Variants in ABCA7 observed in about 807,000 individuals in gnomAD.
The protein encoded by ABCA7 is ATP binding cassette subfamily A member 7, also known as phospholipid-transporting ATPase ABCA7.
ABCA7 carries 261 observed loss-of-function variants against 227.6 expected under a neutral mutation model. The observed-to-expected ratio is 1.15, with a 90% CI of 1.04 to 1.27. ABCA7 has a LOEUF of 1.27. ABCA7 is among the 50% of genes most tolerant of loss of function. The pLI is 0.00. For missense variants in ABCA7, 3,331 were observed against 2,924.5 expected (o/e 1.14, Z -3.21); for synonymous variants, 1,488 against 1,279.7 (o/e 1.16, Z -3.47).
rs1488624040 is a variant in ABCA7, at chr19:1,065,181, G to A, written c.6285+10G>A. Reference sequence around the variant, plus strand: ...GACGATGCTGGAGGAGGTGATCACGGCGCCGGGGTCGGGCTGGGGGAGGCA... The same window carrying A: ...GACGATGCTGGAGGAGGTGATCACGACGCCGGGGTCGGGCTGGGGGAGGCA... On this transcript the variant is annotated intron_variant, in intron 46 of 46. Transcript: ENST00000263094. 3 of 1,594,470 alleles carry A rather than the reference G, an allele frequency of 1.9e-6. No homozygotes were observed. Among genetic ancestry groups the A allele is most frequent in the Non-Finnish European group, 2.6e-6 (3 of 1,168,418 alleles).
In ABCA7 at chr19:1,042,500, C is replaced by T. The variant is rs1309285867; in HGVS notation, c.498+103C>T. 4 of 1,409,078 alleles carry T rather than the reference C, an allele frequency of 2.8e-6. No homozygotes were observed. In the South Asian group the frequency reaches 4.7e-5, roughly 17 times the overall value. 87.3% of individuals were successfully genotyped at this position (1,409,078 alleles called of 1,614,324 possible). On this transcript the variant is annotated intron_variant, in intron 6 of 46. Coordinates refer to ENST00000263094, the MANE Select transcript of ABCA7 (RefSeq NM_019112.4). Reference sequence around the variant, plus strand: ...CCAAGGACCTCCCGTTCCAGGCATCCAGGCTGTCCCTGGTCTCTGCGGTGA... The same window carrying T: ...CCAAGGACCTCCCGTTCCAGGCATCTAGGCTGTCCCTGGTCTCTGCGGTGA...
chr19:1,056,184 C>G lies in ABCA7; in HGVS notation c.4357C>G (p.Arg1453Gly), dbSNP rs144562001. ...LSPLPGGALDRVLKNLTAWAH... is the reference protein window; with the variant it reads ...LSPLPGGALDGVLKNLTAWAH... ...TCCCCTGCCTGGCGGGGCCCTCGAC[C>G]GTGTCCTGAAAAACCTCACAGCCTG... Residue 1453 changes from arginine to glycine, a missense_variant, in exon 32 of 47, where the codon CGT (arginine) becomes GGT (glycine). By Grantham distance (125) the Arg-to-Gly change is moderately radical. Coordinates refer to ENST00000263094, the MANE Select transcript of ABCA7 (RefSeq NM_019112.4). This position sits in a 1 kb window ranked among gnomAD's most constrained non-coding sequence, Gnocchi z 4.3. 4.9e-5 allele frequency: 78 copies of G among 1,607,178 alleles called. No individual in the cohort carries two copies. Among genetic ancestry groups the G allele is most frequent in the Non-Finnish European group, 6.4e-5 (75 of 1,178,450 alleles).
chr19:1,060,522 CTT>C (rs546964567), intron 40 of ABCA7, among the ~76,000 whole-genome samples: 51 of 135,068 alleles, frequency 3.8e-4, no homozygotes, highest in Admixed American at 6.7e-4. Context: ...TTGTTTTTTT[CTT>C]TTTTTTTTTT....
intron 22 of ABCA7, 34 bp downstream of exon 22, chr19:1,052,160 C>T (rs1224045119): frequency 5.0e-6 from 8 of 1,608,222 alleles, no homozygotes; most frequent in South Asian, 3.3e-5. Flanking sequence ...CCCTGACCCC[C>T]GGGACTCTGT....
intron 18 of ABCA7, among the ~76,000 whole-genome samples, chr19:1,050,419 T>C (rs931235111): frequency 1.5e-5 from 2 of 133,382 alleles, no homozygotes; most frequent in African/African-American, 5.6e-5. Context: ...CACAAAAAAA[T>C]AAAAATAAAC....
chr19:1,059,273 T>TTATTTATTTATTTATC (rs1426709245), intron 40 of ABCA7, 188 bp downstream of exon 40: 5 of 254,888 alleles, frequency 2.0e-5, no homozygotes, highest in African/African-American at 1.2e-4. Context: ...ATTTATTTAT[T>TTATTTATTTATTTATC]TATTTATTTG....
rs552120252 is a variant in ABCA7 at position 1,044,863 on chromosome 19, T to G, written c.1215+119T>G. Reference sequence around the variant, plus strand: ...CCGGCCCTAGTAAGAGCCTGGGATTTGTAGAGATCTCAGGAGGGAGCCGGC... The same window carrying G: ...CCGGCCCTAGTAAGAGCCTGGGATTGGTAGAGATCTCAGGAGGGAGCCGGC... On this transcript the variant is annotated intron_variant, in intron 11 of 46. Coordinates refer to ENST00000263094, the MANE Select transcript of ABCA7 (RefSeq NM_019112.4). 7.1e-5 allele frequency: 104 copies of G among 1,464,772 alleles called. No homozygotes were observed. The South Asian group carries it at 8.3e-4, about 12-fold the overall frequency. The allele number at this position is 1,464,772 out of a possible 1,614,324, so 90.7% of individuals were successfully genotyped here. A position where few individuals can be genotyped will look rare whatever the true frequency, so the allele number is the denominator to read the frequency against.
Position 1,049,330 on chromosome 19 carries a change from C to A in ABCA7, c.2445C>A (p.Arg815=). ...TCTCCGTTCGCAGCCTGGAGAAGCG[C>A]TTTCCTGGAAGCCCGCAGCCAGCCC... is the stretch of plus-strand genomic sequence containing the variant. ...PGVSVRSLEK[R]FPGSPQPALR... is the part of the protein sequence containing the mutation. The change falls in exon 18 of 47, where the codon CGC becomes CGA. Residue 815 remains arginine, a synonymous_variant. Coordinates refer to ENST00000263094, the MANE Select transcript of ABCA7 (RefSeq NM_019112.4). 6.2e-7 allele frequency: 1 copy of A among 1,611,690 alleles called. No homozygotes were observed. The highest frequency in any genetic ancestry group is 8.5e-7 in the Non-Finnish European group (1 of 1,179,286).
Position 1,052,028 on chromosome 19 carries a change from T to A in ABCA7, c.3049T>A (p.Cys1017Ser). The A allele has an allele frequency of 1.2e-6, 2 of 1,612,262 alleles. No homozygotes were observed. The highest frequency in any genetic ancestry group is 1.7e-6 in the Non-Finnish European group (2 of 1,179,900). Residue 1017 changes from cysteine (C) to serine (S), a missense_variant, in exon 22 of 47, where the codon TGC becomes AGC. Physicochemically the swap from Cys to Ser is moderately radical, Grantham distance 112. Transcript: ENST00000263094. ...GGCCGTGGTGGCAGGTGGCCGCTTG[T>A]GCTGCTGTGGCTCCCCACTCTTCCT... ...RVAVVAGGRL[C>S]CCGSPLFLRR...
intron 16 of ABCA7, 70 bp from the exon 17 acceptor site, chr19:1,048,825 A>G: frequency 1.2e-6 from 1 of 857,398 alleles, no homozygotes; most frequent in Middle Eastern, 2.4e-4. Context: ...AAAAAAAAAC[A>G]AAACCCCAAA....
intron 41 of ABCA7, 63 bp from the exon 42 acceptor site, chr19:1,062,109 G>T: frequency 6.3e-7 from 1 of 1,585,636 alleles, no homozygotes. Flanking sequence ...AGACCCCTGT[G>T]TTAGCCACCA....
In ABCA7 at chr19:1,041,934, C is replaced by G; in HGVS notation, c.264C>G (p.Gly88=). 2.5e-6 allele frequency: 4 copies of G among 1,595,506 alleles called. No individual in the cohort carries two copies. The highest frequency in any genetic ancestry group is 3.4e-6 in the Non-Finnish European group (4 of 1,176,136). Residue 88 remains glycine, a synonymous_variant, in exon 4 of 47, where the codon GGC becomes GGG. Transcript: ENST00000263094. ...CCTGCTTTCCGCAGCTGACACCGGG[C>G]GAGGAGCCCGGGCGCCTGAGCAACT... ...NNTCFPQLTP[G]EEPGRLSNFN...
chr19:1,041,315 C>T lies in ABCA7; in HGVS notation c.-47C>T, dbSNP rs1485720974. On this transcript the variant is annotated 5_prime_UTR_variant, in exon 2 of 47. Transcript: ENST00000263094. ...GCAGCCGCACCGCACGTCTTCAGCC[C>T]GACCGTTGTCCTGACCTCTCTGTCC... The T allele has an allele frequency of 2.5e-6, 4 of 1,601,798 alleles. No homozygotes were observed. The highest frequency in any genetic ancestry group is 3.4e-6 in the Non-Finnish European group (4 of 1,169,656).
chr19:1,044,609 G>A lies in ABCA7; in HGVS notation c.1080G>A (p.Arg360=), dbSNP rs762984064. 1.2e-6 allele frequency: 2 copies of A among 1,613,014 alleles called. No individual in the cohort carries two copies. Among genetic ancestry groups the A allele is most frequent in the Admixed American group, 1.7e-5 (1 of 59,998 alleles). Residue 360 remains arginine, a synonymous_variant, in exon 11 of 47, where the codon AGG becomes AGA. Coordinates refer to ENST00000263094, the MANE Select transcript of ABCA7 (RefSeq NM_019112.4). Reference sequence around the variant, plus strand: ...TGCAGATGCAGGATGAAGGAAGAAGGCAGCCCAGACCTGGAGGCCGGGACC... The same window carrying A: ...TGCAGATGCAGGATGAAGGAAGAAGACAGCCCAGACCTGGAGGCCGGGACC... ...RLLQMQDEGR[R]QPRPGGRDHM...
intron 34 of ABCA7, 71 bp from the exon 35 acceptor site, chr19:1,057,243 T>C: frequency 6.3e-7 from 1 of 1,583,488 alleles, no homozygotes; most frequent in Non-Finnish European, 8.7e-7. Context: ...GAGGTCAGGG[T>C]GGGAACAGGG....
At chr19:1,059,150 C>T (rs911786270) in intron 40 of ABCA7, 65 bp downstream of exon 40, 8 of 1,557,634 alleles carry the variant, frequency 5.1e-6, no homozygotes, top group Non-Finnish European at 6.1e-6. Context: ...ATGCCCTGCC[C>T]ATCATCCTTT....
rs146982710 is a variant in ABCA7, at chr19:1,044,620, C to G, written c.1091C>G (p.Pro364Arg). 461 of 1,613,296 alleles carry G rather than the reference C, an allele frequency of 2.9e-4. 1 individual carries two copies. Among genetic ancestry groups the G allele is most frequent in the Middle Eastern group, 2.5e-3 (15 of 6,060 alleles). The change falls in exon 11 of 47, where the codon CCT (proline) becomes CGT (arginine). Residue 364 changes from proline (P) to arginine (R), a missense_variant. By Grantham distance (103) the Pro-to-Arg change is moderately radical. Coordinates refer to ENST00000263094, the MANE Select transcript of ABCA7 (RefSeq NM_019112.4). ...MQDEGRRQPR[P>R]GGRDHMEALR... Reference sequence around the variant, plus strand: ...GATGAAGGAAGAAGGCAGCCCAGACCTGGAGGCCGGGACCACATGGAGGCC... The same window carrying G: ...GATGAAGGAAGAAGGCAGCCCAGACGTGGAGGCCGGGACCACATGGAGGCC...
intron 45 of ABCA7, 44 bp downstream of exon 45, chr19:1,064,297 C>T: frequency 6.6e-7 from 1 of 1,516,830 alleles, no homozygotes; most frequent in East Asian, 2.5e-5. Context: ...TGAGGGTGGG[C>T]ACGTAGGTAG....
Position 1,058,970 on chromosome 19 carries a change from G to C in ABCA7, c.5400+30G>C, listed in dbSNP as rs1489576981. 3.1e-6 allele frequency: 5 copies of C among 1,612,412 alleles called. No individual in the cohort carries two copies. The African/African-American group carries it at 6.7e-5, about 22-fold the overall frequency. On this transcript the variant is annotated intron_variant, in intron 39 of 46. Transcript: ENST00000263094. ...GTGTGGTCAGGTCGACTGCTGGGTG[G>C]GGGGTGCTCCCACTGGCCCACTCAC... is the stretch of plus-strand genomic sequence containing the variant.
Sources: allele counts gnomAD v4.1 joint callset (sites outside exome capture counted in the v4.1 genomes callset), GRCh38; gene constraint gnomAD v4.1.1; non-coding constraint Gnocchi (gnomAD v3.1); transcripts MANE v1.5; gene names NCBI Gene and HGNC (gene_info 2026-07-23, HGNC 2026-07-21).